PHTF2: variants seen among roughly 807,000 people sequenced by gnomAD.
PHTF2 encodes the protein protein PHTF2.
PHTF2 carries 60 observed loss-of-function variants against 101.2 expected under a neutral mutation model. The ratio of observed to expected loss-of-function variants is 0.59; its 90% CI spans 0.48 to 0.73. The LOEUF (loss-of-function observed/expected upper bound fraction) is 0.73, where lower values mean the gene tolerates loss of function less well. Among genes scored for constraint, PHTF2 ranks in the 30% least tolerant of loss-of-function variants. PHTF2 has a pLI of 0.00. For synonymous variants in PHTF2, 311 were observed against 307.3 expected (o/e 1.01, Z -0.13); for missense variants, 747 against 908.7 (o/e 0.82, Z 2.29).
intron 9 of PHTF2, among the ~76,000 whole-genome samples, chr7:77,915,973 GTGTGTC>G (rs1449880601): frequency 6.2e-5 from 7 of 112,126 alleles, no homozygotes; most frequent in African/African-American, 1.8e-4. Context: ...AGGTAGATTT[GTGTGTC>G]TGTGTGTGTG....
chr7:77,940,407 T>G (rs1179890655), intron 14 of PHTF2, 105 bp downstream of exon 13: 1 of 1,277,958 alleles, frequency 7.8e-7, no homozygotes, highest in Non-Finnish European at 1.1e-6. Context: ...TTTACCTAAT[T>G]ATTTTTTATT....
chr7:77,811,557 C>G (rs1034594704), intron 1 of PHTF2, among the ~76,000 whole-genome samples: 3 of 152,164 alleles, frequency 2.0e-5, no homozygotes, highest in African/African-American at 4.8e-5. Context: ...TAGCTGACTT[C>G]TGTGATAAAG....
At position 77,875,792 on chromosome 7, in the gene PHTF2, C is replaced by T. The variant is rs905052902; in HGVS notation, c.148-17816C>T. ...CGGGATGGTCTTGATCTCCTGACCT[C>T]GTGATCTGCCTGCCTCAGTCTCCCA... On this transcript the variant is annotated intron_variant, in intron 3 of 19. Coordinates refer to ENST00000416283, the Ensembl canonical transcript of PHTF2. 3.9e-5 allele frequency among the ~76,000 whole-genome samples: 6 copies of T among 152,080 alleles called. No individual in the cohort carries two copies. The East Asian group carries it at 9.7e-4, about 25-fold the overall frequency.
rs183481359 is a variant in PHTF2, at chr7:77,832,088, C to A, written c.-35-8133C>A. 3.7e-3 allele frequency among the ~76,000 whole-genome samples: 566 copies of A among 151,376 alleles called. 3 individuals are homozygous for A. The highest frequency in any genetic ancestry group is 0.013 in the African/African-American group (542 of 41,206). ...TCACTGGTAGCACATTTCAGTGATGCAGAATGGGTCACAAAACTTGCTTAC... is the reference window on the plus strand; with the variant it reads ...TCACTGGTAGCACATTTCAGTGATGAAGAATGGGTCACAAAACTTGCTTAC... On this transcript the variant is annotated intron_variant, in intron 1 of 19. Coordinates refer to ENST00000416283, the Ensembl canonical transcript of PHTF2.
intron 9 of PHTF2, among the ~76,000 whole-genome samples, chr7:77,912,710 CTTTTTTTTTTTTTTT>C (rs536966733): frequency 1.6e-4 from 13 of 80,460 alleles, no homozygotes; most frequent in East Asian, 3.5e-4. Flanking sequence ...AGAGAACCAC[CTTTTTTTTTTTTTTT>C]TTTTTTTTTT....
intron 3 of PHTF2, among the ~76,000 whole-genome samples, chr7:77,886,265 T>C (rs1029812197): frequency 6.6e-6 from 1 of 152,196 alleles, no homozygotes; most frequent in African/African-American, 2.4e-5. Flanking sequence ...TTTTCAAAGA[T>C]ACTTCTTTTC....
At chr7:77,806,962 C>G (rs1360751049) in intron 1 of PHTF2, among the ~76,000 whole-genome samples, 1 of 152,012 alleles carries the variant, frequency 6.6e-6, no homozygotes, top group Non-Finnish European at 1.5e-5. Context: ...ATTATAAATC[C>G]CAAACAATAT....
At chr7:77,901,728 A>AAT (rs1358444934) in intron 6 of PHTF2, 34 bp from the exon 6 acceptor site, 1 of 1,272,802 alleles carries the variant, frequency 7.9e-7, no homozygotes, top group Non-Finnish European at 1.0e-6. Context: ...ATAATATATA[A>AAT]ATATACTCTG....
intron 3 of PHTF2, among the ~76,000 whole-genome samples, chr7:77,879,782 A>G (rs924359405): frequency 2.0e-5 from 3 of 152,172 alleles, no homozygotes; most frequent in East Asian, 3.9e-4. Context: ...TCTTATAGGA[A>G]AAGCCAAATT....
intron 1 of PHTF2, among the ~76,000 whole-genome samples, chr7:77,813,130 A>G (rs1022143868): frequency 4.6e-5 from 7 of 152,324 alleles, no homozygotes; most frequent in African/African-American, 7.2e-5. Context: ...TTTGAGTTAC[A>G]ATCCAATTAC....
intron 9 of PHTF2, among the ~76,000 whole-genome samples, chr7:77,911,708 C>T (rs993378881): frequency 6.6e-6 from 1 of 152,132 alleles, no homozygotes; most frequent in Non-Finnish European, 1.5e-5. Flanking sequence ...GAAAGTTTTC[C>T]AGATTTTAAT....
chr7:77,885,438 G>A (rs890528856), intron 3 of PHTF2, among the ~76,000 whole-genome samples: 10 of 151,796 alleles, frequency 6.6e-5, no homozygotes, highest in African/African-American at 2.4e-4. Context: ...TGCCTTGAGG[G>A]TATTATTGTT....
At chr7:77,903,657 C>T (rs914892112) in intron 7 of PHTF2, among the ~76,000 whole-genome samples, 2 of 152,162 alleles carry the variant, frequency 1.3e-5, no homozygotes, top group African/African-American at 2.4e-5. Flanking sequence ...TTATGATGAA[C>T]ACTAAACATT....
chr7:77,855,181 G>T (rs529865602), intron 3 of PHTF2, among the ~76,000 whole-genome samples: 1 of 152,314 alleles, frequency 6.6e-6, no homozygotes, highest in Admixed American at 6.5e-5. Context: ...TAGTCAGCAG[G>T]TGATGAATCA....
At chr7:77,905,608 C>T (rs1235481213) in intron 7 of PHTF2, among the ~76,000 whole-genome samples, 1 of 151,994 alleles carries the variant, frequency 6.6e-6, no homozygotes, top group Non-Finnish European at 1.5e-5. Flanking sequence ...AATCATTCCT[C>T]CTACCTCTAC....
intron 1 of PHTF2, among the ~76,000 whole-genome samples, chr7:77,805,325 G>A (rs1454957483): frequency 1.3e-5 from 2 of 151,852 alleles, no homozygotes; most frequent in African/African-American, 4.8e-5. Flanking sequence ...CCTGGCTAGA[G>A]GTTTATTGAT....
chr7:77,927,224 A>AC (rs1491236153), intron 11 of PHTF2, among the ~76,000 whole-genome samples: 6 of 131,598 alleles, frequency 4.6e-5, no homozygotes, highest in Non-Finnish European at 5.4e-5. Context: ...ACACACACAC[A>AC]AACACACACA....
At chr7:77,886,728 T>C (rs1216546313) in intron 3 of PHTF2, among the ~76,000 whole-genome samples, 2 of 152,026 alleles carry the variant, frequency 1.3e-5, no homozygotes, top group Non-Finnish European at 2.9e-5. Context: ...TACATCTCCA[T>C]TGTGGTGAGG....
At chr7:77,920,044 GT>G (rs1381113507) in intron 9 of PHTF2, among the ~76,000 whole-genome samples, 1 of 152,138 alleles carries the variant, frequency 6.6e-6, no homozygotes, top group Non-Finnish European at 1.5e-5. Context: ...GTTAGGGCAT[GT>G]CTCCTAGAAT....
Sources: allele counts gnomAD v4.1 joint callset (sites outside exome capture counted in the v4.1 genomes callset), GRCh38; gene constraint gnomAD v4.1.1; transcripts MANE v1.5; gene names NCBI Gene and HGNC (gene_info 2026-07-23, HGNC 2026-07-21).